Variants in MYO16 observed in about 807,000 individuals in gnomAD.
MYO16 encodes unconventional myosin-XVI.
In MYO16, 94 loss-of-function variants were observed where a neutral mutation model predicts 205.3. The ratio of observed to expected loss-of-function variants is 0.46; its 90% CI spans 0.39 to 0.54. The LOEUF is 0.54. MYO16 is among the 20% of genes least tolerant of loss of function. The probability of loss-of-function intolerance (pLI) is 0.00; values close to 1 mark genes in which losing one functional copy is unlikely to be tolerated. For missense variants in MYO16, 2,315 were observed against 2,387.5 expected, an observed-to-expected ratio of 0.97 and a Z score of 0.63; for synonymous variants, 988 against 954.0, an observed-to-expected ratio of 1.04 and a Z score of -0.66.
At chr13:108,984,768 C>T (rs1056385235) in intron 20 of MYO16, among the ~76,000 whole-genome samples, 11 of 152,314 alleles carry the variant, frequency 7.2e-5, no homozygotes, top group Admixed American at 2.6e-4. Context: ...CAAAAACCAA[C>T]ACATAAACTT....
intron 1 of MYO16, among the ~76,000 whole-genome samples, chr13:108,651,253 C>G (rs73606703): frequency 0.048 from 7,371 of 152,260 alleles, 249 homozygotes; most frequent in African/African-American, 0.084. Context: ...GTGGCACAAC[C>G]TGCAGGGCAT....
chr13:108,937,140 A>T (rs1469741817), intron 16 of MYO16, among the ~76,000 whole-genome samples: 1 of 152,092 alleles, frequency 6.6e-6, no homozygotes, highest in Non-Finnish European at 1.5e-5. Flanking sequence ...TTTTGGTTGG[A>T]ATTTCTTTTC....
At chr13:109,008,110 A>G (rs1354013139) in intron 21 of MYO16, among the ~76,000 whole-genome samples, 1 of 152,244 alleles carries the variant, frequency 6.6e-6, no homozygotes, top group African/African-American at 2.4e-5. Context: ...ATATGGTATC[A>G]GATATACTTG....
intron 4 of MYO16, among the ~76,000 whole-genome samples, chr13:108,769,839 GGCACTGA>G (rs1885904082): frequency 6.6e-6 from 1 of 152,110 alleles, no homozygotes; most frequent in African/African-American, 2.4e-5. Context: ...GTGAGGCGGA[GGCACTGA>G]GCACTTAAGC....
chr13:109,091,196 T>C (rs1000919762), intron 27 of MYO16, among the ~76,000 whole-genome samples: 3 of 152,168 alleles, frequency 2.0e-5, no homozygotes, highest in Non-Finnish European at 4.4e-5. Context: ...ACAGACACCA[T>C]GCAGTGCCTC....
intron 16 of MYO16, among the ~76,000 whole-genome samples, chr13:108,911,036 C>CACACACAA (rs1458478111): frequency 1.0e-5 from 1 of 96,650 alleles, no homozygotes; most frequent in Non-Finnish European, 2.0e-5. Flanking sequence ...TAGGAGAAAA[C>CACACACAA]ACACACACAC....
At chr13:108,723,854 A>T (rs1016306023) in intron 3 of MYO16, among the ~76,000 whole-genome samples, 21 of 151,778 alleles carry the variant, frequency 1.4e-4, no homozygotes, top group African/African-American at 2.9e-4. Context: ...AATATCTATA[A>T]AAAAAAACCC....
In MYO16 at chr13:109,199,273, T is replaced by C. The variant is rs372282441; in HGVS notation, c.5416-7336T>C. 4.0e-4 allele frequency among the ~76,000 whole-genome samples: 58 copies of C among 143,378 alleles called. No individual in the cohort carries two copies. In the East Asian group the frequency reaches 9.9e-3, roughly 24 times the overall value. 94.1% of individuals were successfully genotyped at this position (143,378 alleles called of 152,430 possible). Reference sequence around the variant, plus strand: ...TTTGCCTCGCTCCATCTCTGTGCCCTGGGTAACACTTTAAGACACGTGTTT... The same window carrying C: ...TTTGCCTCGCTCCATCTCTGTGCCCCGGGTAACACTTTAAGACACGTGTTT... On this transcript the variant is annotated intron_variant, in intron 34 of 34. Transcript: ENST00000457511.
the MYO16 span, among the ~76,000 whole-genome samples, chr13:108,531,615 A>G: frequency 1.1e-5 from 1 of 92,566 alleles, no homozygotes; most frequent in Non-Finnish European, 2.1e-5. Context: ...AGCCTAGAAC[A>G]TGCTTTCTAA....
At chr13:108,882,985 A>G in intron 12 of MYO16, 74 bp from the exon 13 acceptor site, 1 of 1,559,498 alleles carries the variant, frequency 6.4e-7, no homozygotes, top group Non-Finnish European at 8.7e-7. Context: ...GACAGAAGTC[A>G]CTCTCATTAT....
At position 108,785,765 on chromosome 13, in the gene MYO16, C is replaced by A. The variant is rs1420766241; in HGVS notation, c.616+22C>A. On this transcript the variant is annotated intron_variant, in intron 5 of 34. Coordinates refer to ENST00000457511, the MANE Select transcript of MYO16 (RefSeq NM_001198950.3). ...AATGGTAGGCAAAAACTTTTAAAAC[C>A]ATAGAAAAAAATAGATTGGGAGAAT... 3.5e-6 allele frequency: 5 copies of A among 1,445,748 alleles called. No homozygotes were observed. The Admixed American group carries it at 7.7e-5, about 22-fold the overall frequency. The allele number at this position is 1,445,748 out of a possible 1,614,324, so 89.6% of individuals were successfully genotyped here.
the MYO16 span, among the ~76,000 whole-genome samples, chr13:108,496,593 G>C: frequency 6.6e-6 from 1 of 152,210 alleles, no homozygotes; most frequent in South Asian, 2.1e-4. Flanking sequence ...CCTGGCTGCA[G>C]AAAACCACTA....
At chr13:108,807,293 T>A (rs1463460760) in intron 7 of MYO16, among the ~76,000 whole-genome samples, 1 of 152,144 alleles carries the variant, frequency 6.6e-6, no homozygotes, top group Non-Finnish European at 1.5e-5. Context: ...AAGAGACTAA[T>A]CATTATGTAA....
intron 23 of MYO16, among the ~76,000 whole-genome samples, chr13:109,040,391 G>C (rs34609601): frequency 0.012 from 1,646 of 138,826 alleles, 34 homozygotes; most frequent in African/African-American, 0.036. Context: ...CACACAGAGA[G>C]AGAGAGAGAG....
chr13:108,763,002 G>A (rs1566592734), intron 4 of MYO16, among the ~76,000 whole-genome samples: 1 of 152,148 alleles, frequency 6.6e-6, no homozygotes, highest in Non-Finnish European at 1.5e-5. Context: ...TGCATTGTAA[G>A]AAAGTCTCTA....
intron 1 of MYO16, among the ~76,000 whole-genome samples, chr13:108,599,283 A>G (rs1878675538): frequency 6.7e-6 from 1 of 148,576 alleles, no homozygotes; most frequent in Admixed American, 6.8e-5. Flanking sequence ...GCTATTGTGA[A>G]TAGTGCCGCA....
intron 4 of MYO16, among the ~76,000 whole-genome samples, chr13:108,780,997 A>G (rs1432025887): frequency 6.6e-6 from 1 of 152,200 alleles, no homozygotes; most frequent in Admixed American, 6.5e-5. Flanking sequence ...GAGCCTGATG[A>G]CTTCTTTAAG....
intron 32 of MYO16, among the ~76,000 whole-genome samples, chr13:109,152,934 A>G (rs1877758290): frequency 1.3e-5 from 2 of 152,194 alleles, no homozygotes; most frequent in Admixed American, 6.5e-5. Context: ...TTGGTGCCAG[A>G]CATTGCATGG....
At chr13:109,069,340 T>C (rs951075296) in intron 27 of MYO16, among the ~76,000 whole-genome samples, 1 of 152,204 alleles carries the variant, frequency 6.6e-6, no homozygotes, top group African/African-American at 2.4e-5. Context: ...CAAATCATCC[T>C]TTGCATTTTC....
Sources: allele counts gnomAD v4.1 joint callset (sites outside exome capture counted in the v4.1 genomes callset), GRCh38; gene constraint gnomAD v4.1.1; transcripts MANE v1.5; gene names NCBI Gene and HGNC (gene_info 2026-07-23, HGNC 2026-07-21).